Variants in GRIA4 observed in about 807,000 individuals in gnomAD.
GRIA4 encodes glutamate receptor 4.
A neutral mutation model predicts 104.0 loss-of-function variants in GRIA4; 34 were observed. The observed-to-expected ratio is 0.33, with a 90% confidence interval of 0.25 to 0.44. The LOEUF is 0.44. Among genes scored for constraint, GRIA4 ranks in the 20% least tolerant of loss-of-function variants. The pLI, the probability that GRIA4 is intolerant of heterozygous loss-of-function variation, is 1.00. For synonymous variants in GRIA4, 386 were observed against 381.9 expected, an observed-to-expected ratio of 1.01 and a Z score of -0.13; for missense variants, 750 against 1,096.5, an observed-to-expected ratio of 0.68 and a Z score of 4.46.
chr11:105,644,454 AT>A (rs2135361402), intron 3 of GRIA4, among the ~76,000 whole-genome samples: 1 of 141,604 alleles, frequency 7.1e-6, no homozygotes, highest in South Asian at 2.2e-4. Flanking sequence ...AAAAAAAAAA[AT>A]TAGCCTGGTG....
At chr11:105,686,207 A>G (rs1952877254) in intron 3 of GRIA4, among the ~76,000 whole-genome samples, 1 of 152,166 alleles carries the variant, frequency 6.6e-6, no homozygotes, top group Admixed American at 6.5e-5. Flanking sequence ...TTAGTTTTCC[A>G]GTCCTTGTCT....
chr11:105,741,820 T>A (rs1256447462), intron 3 of GRIA4, among the ~76,000 whole-genome samples: 1 of 152,136 alleles, frequency 6.6e-6, no homozygotes, highest in Non-Finnish European at 1.5e-5. Flanking sequence ...GTGAAATGGT[T>A]ATTTACAGAA....
chr11:105,784,921 A>G (rs1941892307), intron 4 of GRIA4, among the ~76,000 whole-genome samples: 1 of 152,218 alleles, frequency 6.6e-6, no homozygotes, highest in Admixed American at 6.5e-5. Context: ...GATATAGGAT[A>G]AGGCCCAGGA....
intron 4 of GRIA4, among the ~76,000 whole-genome samples, chr11:105,825,318 C>A (rs1225376079): frequency 6.6e-6 from 1 of 152,046 alleles, no homozygotes; most frequent in Non-Finnish European, 1.5e-5. Flanking sequence ...TTCAGCCCAG[C>A]TGAACTATTA....
chr11:105,764,970 C>A (rs141298749), intron 4 of GRIA4, among the ~76,000 whole-genome samples: 1 of 152,154 alleles, frequency 6.6e-6, no homozygotes, highest in Non-Finnish European at 1.5e-5. Flanking sequence ...ATGAGGTCAG[C>A]ACTACCCATT....
chr11:105,800,312 A>G (rs1384001218), intron 4 of GRIA4, among the ~76,000 whole-genome samples: 1 of 152,068 alleles, frequency 6.6e-6, no homozygotes, highest in East Asian at 1.9e-4. Flanking sequence ...CACATAGCTT[A>G]TGTAAATATT....
chr11:105,974,542 G>C (rs1416064096), intron 16 of GRIA4, 98 bp downstream of exon 16: 1 of 1,613,514 alleles, frequency 6.2e-7, no homozygotes, highest in Admixed American at 1.7e-5. Context: ...GGAACCGAAA[G>C]TATTAAAATT....
At chr11:105,850,354 C>A (rs1350777262) in intron 4 of GRIA4, among the ~76,000 whole-genome samples, 2 of 152,118 alleles carry the variant, frequency 1.3e-5, no homozygotes, top group Non-Finnish European at 2.9e-5. Context: ...CTACATTTAT[C>A]CCTGCATCAA....
At chr11:105,699,640 T>C (rs368275836) in intron 3 of GRIA4, among the ~76,000 whole-genome samples, 4 of 152,170 alleles carry the variant, frequency 2.6e-5, no homozygotes, top group East Asian at 3.9e-4. Context: ...TTTGTTTCTA[T>C]TGCTACACCT....
At chr11:105,964,783 T>C (rs1182648049) in intron 14 of GRIA4, among the ~76,000 whole-genome samples, 3 of 149,564 alleles carry the variant, frequency 2.0e-5, no homozygotes, top group Admixed American at 6.6e-5. Context: ...GCCCATGACA[T>C]GTTTTTTTTT....
At chr11:105,836,386 T>C (rs904459790) in intron 4 of GRIA4, among the ~76,000 whole-genome samples, 4 of 152,084 alleles carry the variant, frequency 2.6e-5, no homozygotes, top group Non-Finnish European at 4.4e-5. Flanking sequence ...TACTTGAAGG[T>C]TTTAGCCATT....
chr11:105,779,530 G>T (rs1227638981), intron 4 of GRIA4, among the ~76,000 whole-genome samples: 1 of 151,916 alleles, frequency 6.6e-6, no homozygotes, highest in Non-Finnish European at 1.5e-5. Flanking sequence ...TTGTTCTTGC[G>T]ATAGTTTACC....
intron 4 of GRIA4, among the ~76,000 whole-genome samples, chr11:105,843,451 C>T (rs1281472563): frequency 6.6e-6 from 1 of 152,142 alleles, no homozygotes; most frequent in East Asian, 1.9e-4. Flanking sequence ...CTCTCATATA[C>T]CTAAAAATTA....
rs1214378257 is a variant in GRIA4 at position 105,686,384 on chromosome 11, T to C, written c.248-66597T>C. ...CTAGTGGCTTCCAGCTGCATCTATG[T>C]TGCTGCAAAAGACATTACTTCATGC... On this transcript the variant is annotated intron_variant, in intron 3 of 16. Transcript: ENST00000282499. Among the ~76,000 whole-genome samples the C allele has an allele frequency of 3.9e-5, 6 of 152,238 alleles. No individual in the cohort carries two copies. In the East Asian group the frequency reaches 7.7e-4, roughly 20 times the overall value.
At chr11:105,792,577 C>T (rs905564094) in intron 4 of GRIA4, among the ~76,000 whole-genome samples, 2 of 152,018 alleles carry the variant, frequency 1.3e-5, no homozygotes, top group Non-Finnish European at 2.9e-5. Flanking sequence ...TTTTGCATGC[C>T]TTACCTTTAT....
At chr11:105,893,504 G>A (rs1946528244) in intron 6 of GRIA4, among the ~76,000 whole-genome samples, 1 of 152,078 alleles carries the variant, frequency 6.6e-6, no homozygotes, top group African/African-American at 2.4e-5. Context: ...AATTAACTGA[G>A]CCACCCACTA....
chr11:105,698,344 A>G (rs936131918), intron 3 of GRIA4, among the ~76,000 whole-genome samples: 1 of 152,172 alleles, frequency 6.6e-6, no homozygotes, highest in Non-Finnish European at 1.5e-5. Context: ...ATGTTTTTGT[A>G]TAAACCTCAT....
intron 4 of GRIA4, among the ~76,000 whole-genome samples, chr11:105,776,746 T>C (rs924544735): frequency 1.3e-5 from 2 of 152,126 alleles, no homozygotes; most frequent in African/African-American, 2.4e-5. Context: ...TCTCCCCACA[T>C]AGCAGAGAGC....
chr11:105,913,686 T>C (rs545602684), intron 10 of GRIA4, among the ~76,000 whole-genome samples: 10 of 152,126 alleles, frequency 6.6e-5, no homozygotes, highest in African/African-American at 2.4e-4. Context: ...TCTTGGCTAT[T>C]GAACTCTCTG....
Sources: gnomAD v4.1 joint callset for allele counts (sites outside exome capture counted in the v4.1 genomes callset) on GRCh38, gnomAD v4.1.1 for gene constraint, MANE v1.5 for transcripts, NCBI Gene and HGNC (gene_info 2026-07-23, HGNC 2026-07-21) for gene names.